SPMAP2: variants seen among roughly 807,000 people sequenced by gnomAD.
SPMAP2 encodes Theg homolog.
At chr19:370,893 C>T in the SPMAP2 span, among the ~76,000 whole-genome samples, 1 of 152,096 alleles carries the variant, frequency 6.6e-6, no homozygotes, top group East Asian at 2.0e-4. Context: ...CAGTGGTTGC[C>T]GGTGGCCAGG....
the SPMAP2 span, chr19:362,385 G>A: frequency 3.2e-5 from 52 of 1,608,588 alleles, 1 homozygote; most frequent in South Asian, 5.5e-4. Flanking sequence ...TCCCAGCGAG[G>A]ATCTCGGTCA....
At chr19:370,878 G>A in the SPMAP2 span, among the ~76,000 whole-genome samples, 2 of 151,998 alleles carry the variant, frequency 1.3e-5, no homozygotes, top group South Asian at 2.1e-4. Flanking sequence ...GGCGTAGAGC[G>A]AGGTCAGTGG....
At chr19:374,062 G>T in the SPMAP2 span, 4 of 1,581,212 alleles carry the variant, frequency 2.5e-6, no homozygotes, top group African/African-American at 1.3e-5. Flanking sequence ...TGGGTCTCCC[G>T]TTTGCTCCCA....
At chr19:367,075 A>T in the SPMAP2 span, 22 of 1,612,854 alleles carry the variant, frequency 1.4e-5, 1 homozygote, top group Middle Eastern at 3.3e-4. Context: ...TGGCCAAGTG[A>T]AGGAGGCGGT....
chr19:366,008 G>T, the SPMAP2 span, among the ~76,000 whole-genome samples: 3 of 152,128 alleles, frequency 2.0e-5, no homozygotes, highest in Non-Finnish European at 2.9e-5. Context: ...AGGAGTGATG[G>T]CAGGCTCCCG....
the SPMAP2 span, chr19:367,246 AGGGTTAC>A: frequency 6.3e-7 from 1 of 1,577,624 alleles, no homozygotes; most frequent in African/African-American, 1.4e-5. Flanking sequence ...AATAGAGAGA[AGGGTTAC>A]GTGAAACAGT....
chr19:374,125 C>T, the SPMAP2 span: 1 of 1,451,222 alleles, frequency 6.9e-7, no homozygotes, highest in Non-Finnish European at 9.5e-7. Flanking sequence ...TCCCTAGCCA[C>T]TCCCAGTGTC....
the SPMAP2 span, chr19:367,232 G>C: frequency 5.7e-6 from 9 of 1,586,692 alleles, no homozygotes; most frequent in Non-Finnish European, 7.7e-6. Context: ...CACCTGGAAA[G>C]AGAAATAGAG....
At chr19:368,116 G>A in the SPMAP2 span, among the ~76,000 whole-genome samples, 3 of 152,038 alleles carry the variant, frequency 2.0e-5, no homozygotes, top group Non-Finnish European at 4.4e-5. This position sits in a 1 kb window ranked among gnomAD's most constrained non-coding sequence, Gnocchi z 4.1. Flanking sequence ...TTGGGGGGTC[G>A]AGGTGGCAGG....
At chr19:367,879 A>G in the SPMAP2 span, among the ~76,000 whole-genome samples, 2 of 152,144 alleles carry the variant, frequency 1.3e-5, no homozygotes, top group Admixed American at 6.5e-5. Flanking sequence ...TTTTTTCTCC[A>G]TAAATTGGCA....
At chr19:374,150 A>G in the SPMAP2 span, 13 of 1,470,496 alleles carry the variant, frequency 8.8e-6, no homozygotes, top group African/African-American at 1.5e-4. Flanking sequence ...CACCTCCTTA[A>G]CTGGCCAACC....
At chr19:365,637 C>A in the SPMAP2 span, among the ~76,000 whole-genome samples, 11 of 131,716 alleles carry the variant, frequency 8.4e-5, no homozygotes, top group African/African-American at 2.1e-4. Context: ...TGCGAGCACA[C>A]ACAGCCACAC....
chr19:372,727 T>C, the SPMAP2 span: 1 of 1,611,854 alleles, frequency 6.2e-7, no homozygotes, highest in Non-Finnish European at 8.5e-7. Context: ...ACGGAGTCAG[T>C]GAACCCCAGT....
the SPMAP2 span, among the ~76,000 whole-genome samples, chr19:366,284 G>A: frequency 6.6e-6 from 1 of 152,176 alleles, no homozygotes; most frequent in Non-Finnish European, 1.5e-5. Context: ...ATGGATGGAT[G>A]TATCCATGCA....
the SPMAP2 span, among the ~76,000 whole-genome samples, chr19:371,550 G>A: frequency 6.6e-6 from 1 of 152,170 alleles, no homozygotes; most frequent in African/African-American, 2.4e-5. Context: ...GAATTTCTAA[G>A]AGTTCTCAAG....
the SPMAP2 span, chr19:367,104 G>A: frequency 6.2e-7 from 1 of 1,613,064 alleles, no homozygotes; most frequent in Non-Finnish European, 8.5e-7. Flanking sequence ...GACACATGTG[G>A]CTTGGGTTTT....
the SPMAP2 span, chr19:362,432 G>T: frequency 5.0e-6 from 8 of 1,593,070 alleles, no homozygotes; most frequent in East Asian, 9.0e-5. Context: ...GGGCCCTAGT[G>T]GGGGCAGAAG....
At chr19:373,544 G>C in the SPMAP2 span, 3 of 1,612,834 alleles carry the variant, frequency 1.9e-6, no homozygotes, top group Admixed American at 3.3e-5. Context: ...GGAATAAGCG[G>C]ACGGCTCAGG....
the SPMAP2 span, chr19:367,001 A>G: frequency 6.4e-7 from 1 of 1,563,340 alleles, no homozygotes; most frequent in Non-Finnish European, 8.7e-7. Context: ...AGGCAGAGGT[A>G]TAAGGTGTCC....
Sources: allele counts gnomAD v4.1 joint callset (sites outside exome capture counted in the v4.1 genomes callset), GRCh38; gene constraint gnomAD v4.1.1; non-coding constraint Gnocchi (gnomAD v3.1); transcripts MANE v1.5; gene names NCBI Gene and HGNC (gene_info 2026-07-23, HGNC 2026-07-21).